Variants in DGKB observed in about 807,000 individuals in gnomAD.
DGKB encodes the protein diacylglycerol kinase beta.
A neutral mutation model predicts 114.3 loss-of-function variants in DGKB; 67 were observed. That is an observed-to-expected ratio of 0.59 (90% CI 0.48 to 0.72). DGKB has a LOEUF of 0.72. DGKB is among the 30% of genes least tolerant of loss of function. The pLI is 0.00. For synonymous variants in DGKB, 398 were observed against 323.1 expected (o/e 1.23, Z -2.49); for missense variants, 907 against 975.2 (o/e 0.93, Z 0.93).
chr7:14,893,919 T>C (rs1287671279), intron 1 of DGKB, among the ~76,000 whole-genome samples: 1 of 151,328 alleles, frequency 6.6e-6, no homozygotes, highest in Non-Finnish European at 1.5e-5. Flanking sequence ...CAGTATAGGA[T>C]CTCCATAATG....
chr7:14,247,571 A>G (rs1468319943), intron 23 of DGKB, among the ~76,000 whole-genome samples: 1 of 151,754 alleles, frequency 6.6e-6, no homozygotes, highest in Admixed American at 6.6e-5. Flanking sequence ...TCTCATTGTG[A>G]TTTTGATTTG....
At chr7:14,214,287 C>G (rs962219924) in intron 23 of DGKB, among the ~76,000 whole-genome samples, 1 of 152,088 alleles carries the variant, frequency 6.6e-6, no homozygotes, top group Non-Finnish European at 1.5e-5. Flanking sequence ...TCATTTTCAA[C>G]TTACATTTAG....
chr7:14,317,471 A>G (rs1806806321), intron 23 of DGKB, among the ~76,000 whole-genome samples: 1 of 151,716 alleles, frequency 6.6e-6, no homozygotes, highest in Non-Finnish European at 1.5e-5. Context: ...AAAAATCACA[A>G]GCATTCCTAT....
chr7:14,626,227 C>T (rs1045407299), intron 14 of DGKB, among the ~76,000 whole-genome samples: 2 of 152,176 alleles, frequency 1.3e-5, no homozygotes, highest in African/African-American at 4.8e-5. Flanking sequence ...TGGCAAACTG[C>T]AAGCAGCAAG....
chr7:14,816,127 G>A (rs1296259374), intron 2 of DGKB, among the ~76,000 whole-genome samples: 1 of 151,942 alleles, frequency 6.6e-6, no homozygotes, highest in African/African-American at 2.4e-5. Flanking sequence ...GGTCAGGAGG[G>A]CGAGACCAGC....
chr7:14,562,113 C>A (rs1202820903), intron 20 of DGKB, among the ~76,000 whole-genome samples: 1 of 152,200 alleles, frequency 6.6e-6, no homozygotes, highest in African/African-American at 2.4e-5. Context: ...AATGTGGTTC[C>A]AGAGGGTGCA....
At position 14,277,708 on chromosome 7, in the gene DGKB, G is replaced by C. The variant is rs191346010; in HGVS notation, c.2122+60807C>G. ...TTCCATATCTTAACCACTGTGTATA[G>C]TGCTACAATGAACATGAGGATGCAG... On this transcript the variant is annotated intron_variant, in intron 23 of 25. Transcript: ENST00000402815. 1.1e-4 allele frequency among the ~76,000 whole-genome samples: 17 copies of C among 152,260 alleles called. No individual in the cohort carries two copies. The East Asian group carries it at 3.3e-3, about 29-fold the overall frequency.
At chr7:14,955,515 T>C (rs909974445) in intron 1 of DGKB, among the ~76,000 whole-genome samples, 1 of 152,120 alleles carries the variant, frequency 6.6e-6, no homozygotes, top group East Asian at 1.9e-4. Context: ...GATAAACATA[T>C]CTCAGAGGCA....
At chr7:14,945,437 A>C (rs868010799) in intron 1 of DGKB, among the ~76,000 whole-genome samples, 12 of 151,822 alleles carry the variant, frequency 7.9e-5, no homozygotes, top group Middle Eastern at 3.4e-3. Flanking sequence ...TGCTCTGTAC[A>C]CTTACAATTT....
intron 2 of DGKB, among the ~76,000 whole-genome samples, chr7:14,772,633 C>T (rs965439926): frequency 2.6e-5 from 4 of 152,030 alleles, no homozygotes; most frequent in Non-Finnish European, 5.9e-5. Context: ...GACATGAATG[C>T]ATCACACACT....
chr7:14,168,788 C>A (rs1304564492), intron 25 of DGKB, among the ~76,000 whole-genome samples: 2 of 152,148 alleles, frequency 1.3e-5, no homozygotes, highest in East Asian at 3.9e-4. Flanking sequence ...AACAGAGTCA[C>A]AGGAGTACAA....
At chr7:14,289,404 C>G (rs1053082028) in intron 23 of DGKB, among the ~76,000 whole-genome samples, 11 of 152,068 alleles carry the variant, frequency 7.2e-5, no homozygotes, top group African/African-American at 2.7e-4. Flanking sequence ...ATAATATTGG[C>G]AGTTTCTGAA....
intron 23 of DGKB, among the ~76,000 whole-genome samples, chr7:14,337,005 T>C (rs766431180): frequency 1.3e-5 from 2 of 152,170 alleles, no homozygotes; most frequent in East Asian, 3.9e-4. Context: ...AGTGAAAATA[T>C]TTTTAAGGAA....
chr7:14,751,665 G>C (rs1253129094), intron 4 of DGKB, among the ~76,000 whole-genome samples: 3 of 152,154 alleles, frequency 2.0e-5, no homozygotes, highest in Non-Finnish European at 2.9e-5. Context: ...ACAGCACTCA[G>C]GATTGTGGCC....
At chr7:14,710,416 G>C (rs781636252) in intron 6 of DGKB, among the ~76,000 whole-genome samples, 2 of 152,042 alleles carry the variant, frequency 1.3e-5, no homozygotes, top group African/African-American at 2.4e-5. Context: ...TCTATCTATA[G>C]ATTACTGGGT....
At position 14,719,789 on chromosome 7, in the gene DGKB, T is replaced by G. The variant is rs539080146; in HGVS notation, c.323-1104A>C. On this transcript the variant is annotated intron_variant, in intron 5 of 25. Coordinates refer to ENST00000402815, the MANE Select transcript of DGKB (RefSeq NM_001350709.2). ...ATATGTCCCAAGTTAGTTTTATCAT[T>G]GGTGATGTTGTCACTAATAAAGGGA... Among the ~76,000 whole-genome samples the G allele has an allele frequency of 2.6e-5, 4 of 152,314 alleles. No individual in the cohort carries two copies. The South Asian group carries it at 8.3e-4, about 32-fold the overall frequency.
intron 2 of DGKB, among the ~76,000 whole-genome samples, chr7:14,830,901 G>C (rs1846320122): frequency 6.6e-6 from 1 of 151,666 alleles, no homozygotes; most frequent in South Asian, 2.1e-4. Context: ...AAGAAAAACT[G>C]TGTGCACACA....
At chr7:14,297,186 TCCTC>T (rs1802735040) in intron 23 of DGKB, among the ~76,000 whole-genome samples, 1 of 152,096 alleles carries the variant, frequency 6.6e-6, no homozygotes, top group Admixed American at 6.6e-5. Context: ...AAAGAGGGAC[TCCTC>T]CCTAGCTCAT....
At chr7:14,631,050 G>T (rs907456770) in intron 13 of DGKB, among the ~76,000 whole-genome samples, 1 of 151,478 alleles carries the variant, frequency 6.6e-6, no homozygotes, top group African/African-American at 2.4e-5. Context: ...ATGCTGGAAC[G>T]GGAGAAGAAA....
Sources: allele counts gnomAD v4.1 joint callset (sites outside exome capture counted in the v4.1 genomes callset), GRCh38; gene constraint gnomAD v4.1.1; transcripts MANE v1.5; gene names NCBI Gene and HGNC (gene_info 2026-07-23, HGNC 2026-07-21).